The following ARMH3 variants were observed in gnomAD, a reference collection of about 807,000 sequenced individuals.
The protein encoded by ARMH3 is armadillo like helical domain containing 3, also known as armadillo-like helical domain-containing protein 3.
In ARMH3, 60 loss-of-function variants were observed where a neutral mutation model predicts 99.1. The ratio of observed to expected loss-of-function variants is 0.61; its 90% CI spans 0.49 to 0.75. The LOEUF is 0.75. ARMH3 is among the 30% of genes least tolerant of loss of function. The pLI is 0.00. For synonymous variants in ARMH3, 285 were observed against 292.8 expected (o/e 0.97, Z 0.27); for missense variants, 679 against 843.1 (o/e 0.81, Z 2.41).
chr10:101,874,173 T>TA (rs1487490554), intron 24 of ARMH3, among the ~76,000 whole-genome samples: 3 of 152,220 alleles, frequency 2.0e-5, no homozygotes, highest in Admixed American at 2.0e-4. Context: ...TGCAAAGTGG[T>TA]ATAAGAGAAC....
chr10:101,933,955 T>A (rs1387071757), intron 23 of ARMH3, among the ~76,000 whole-genome samples: 1 of 152,230 alleles, frequency 6.6e-6, no homozygotes, highest in East Asian at 1.9e-4. Flanking sequence ...GGTAACCATT[T>A]TGTTAAGTGA....
chr10:101,859,649 A>C (rs561009393), intron 24 of ARMH3, among the ~76,000 whole-genome samples: 6 of 152,366 alleles, frequency 3.9e-5, no homozygotes, highest in South Asian at 2.1e-4. Context: ...AATTCAGCTC[A>C]GCTGTGCAGT....
At chr10:101,912,147 C>A (rs998536183) in intron 23 of ARMH3, among the ~76,000 whole-genome samples, 3 of 152,148 alleles carry the variant, frequency 2.0e-5, no homozygotes, top group Non-Finnish European at 4.4e-5. Flanking sequence ...ATAATCCCAG[C>A]ACTTACGGAG....
At position 101,997,866 on chromosome 10, in the gene ARMH3, A is replaced by T. The variant is rs189771224; in HGVS notation, c.1151-2511T>A. Among the ~76,000 whole-genome samples the T allele has an allele frequency of 9.2e-3, 1,397 of 152,302 alleles. 18 individuals are homozygous for T. The highest frequency in any genetic ancestry group is 0.032 in the African/African-American group (1,328 of 41,552). On this transcript the variant is annotated intron_variant, in intron 15 of 25. Transcript: ENST00000370033. ...GATAATATCCTCATGGCGGTGGTGGAAACAGAGCCAAGAAAAAGTTGCTTC... is the reference window on the plus strand; with the variant it reads ...GATAATATCCTCATGGCGGTGGTGGTAACAGAGCCAAGAAAAAGTTGCTTC...
intron 17 of ARMH3, 113 bp from the exon 18 acceptor site, chr10:101,992,151 T>C: frequency 3.4e-6 from 3 of 893,304 alleles, no homozygotes; most frequent in Non-Finnish European, 5.5e-6. Context: ...GATACTTCCT[T>C]TTCTTTCTCT....
chr10:101,928,223 T>C (rs1843583356), intron 23 of ARMH3, among the ~76,000 whole-genome samples: 1 of 152,204 alleles, frequency 6.6e-6, no homozygotes, highest in South Asian at 2.1e-4. Flanking sequence ...AAGGTTCTTA[T>C]AAGGTTCCTC....
intron 24 of ARMH3, among the ~76,000 whole-genome samples, chr10:101,855,769 A>T (rs1451426746): frequency 1.4e-5 from 2 of 147,250 alleles, no homozygotes; most frequent in African/African-American, 4.9e-5. Flanking sequence ...ATTATATATA[A>T]ATATATTATA....
chr10:101,995,167 A>G, intron 16 of ARMH3, 130 bp downstream of exon 16: 1 of 771,068 alleles, frequency 1.3e-6, no homozygotes, highest in Non-Finnish European at 2.2e-6. Flanking sequence ...AGATAATACA[A>G]AGGGGGAAGA....
chr10:101,847,317 G>GGGAGGCA lies in ARMH3; in HGVS notation c.*210_*211insTGCCTCC. Reference sequence around the variant, plus strand: ...ATTCCTGGAGGCCTCTCCCCACTGTGCCCACCCATTCCTCCCCAAATAAGA... The same window carrying GGGAGGCA: ...ATTCCTGGAGGCCTCTCCCCACTGTGGGAGGCACCCACCCATTCCTCCCCAAATAAGA... On this transcript the variant is annotated 3_prime_UTR_variant, in exon 26 of 26. Coordinates refer to ENST00000370033, the MANE Select transcript of ARMH3 (RefSeq NM_024541.3). The GGGAGGCA allele has an allele frequency of 1.9e-6, 1 of 532,666 alleles. No individual in the cohort carries two copies. The highest frequency in any genetic ancestry group is 3.4e-6 in the Non-Finnish European group (1 of 295,146). 33.0% of individuals were successfully genotyped at this position (532,666 alleles called of 1,614,324 possible).
chr10:102,038,346 G>A (rs1435174771), intron 2 of ARMH3, among the ~76,000 whole-genome samples: 4 of 151,812 alleles, frequency 2.6e-5, no homozygotes, highest in Admixed American at 6.6e-5. Flanking sequence ...CGCCCACCTC[G>A]GCCTCCCAAA....
At position 101,923,649 on chromosome 10, in the gene ARMH3, T is replaced by C. The variant is rs368995135; in HGVS notation, c.1781+16214A>G. Among the ~76,000 whole-genome samples the C allele has an allele frequency of 9.2e-5, 14 of 152,342 alleles. No homozygotes were observed. The East Asian group carries it at 1.3e-3, about 15-fold the overall frequency. ...ACCTACTCTCACTCCAAAAATGTCT[T>C]TTTTTACTGCCCTTTACTTGTTATG... On this transcript the variant is annotated intron_variant, in intron 23 of 25. Transcript: ENST00000370033.
intron 24 of ARMH3, among the ~76,000 whole-genome samples, chr10:101,859,179 C>T (rs1486284867): frequency 6.6e-6 from 1 of 152,194 alleles, no homozygotes; most frequent in Non-Finnish European, 1.5e-5. Context: ...CTTAACTGAC[C>T]AGTGAATGGG....
chr10:102,049,378 C>A (rs2067637634), intron 1 of ARMH3, among the ~76,000 whole-genome samples: 1 of 152,008 alleles, frequency 6.6e-6, no homozygotes. Flanking sequence ...CCCGTCTCTA[C>A]TAAAAATACA....
At chr10:101,976,442 C>T (rs1374802802) in intron 19 of ARMH3, among the ~76,000 whole-genome samples, 2 of 148,664 alleles carry the variant, frequency 1.3e-5, no homozygotes, top group African/African-American at 4.9e-5. Context: ...TCACATACTG[C>T]TTGTGCTACC....
chr10:101,980,034 G>C (rs778403430), intron 19 of ARMH3, among the ~76,000 whole-genome samples: 6 of 152,072 alleles, frequency 3.9e-5, no homozygotes, highest in African/African-American at 7.3e-5. Flanking sequence ...TTAGTTAAGG[G>C]AGGGTTTGGT....
chr10:101,910,833 T>A (rs1842836984), intron 23 of ARMH3, among the ~76,000 whole-genome samples: 1 of 150,610 alleles, frequency 6.6e-6, no homozygotes, highest in South Asian at 2.1e-4. Flanking sequence ...TCAGGTTTTT[T>A]TTTTGGTTAA....
chr10:101,955,208 G>A (rs774953476), intron 22 of ARMH3, among the ~76,000 whole-genome samples: 68 of 152,220 alleles, frequency 4.5e-4, no homozygotes, highest in Non-Finnish European at 7.5e-4. Flanking sequence ...GATGGGTCTT[G>A]ATGGGACAAC....
At chr10:101,910,187 T>C (rs1842806772) in intron 23 of ARMH3, among the ~76,000 whole-genome samples, 1 of 152,164 alleles carries the variant, frequency 6.6e-6, no homozygotes, top group Non-Finnish European at 1.5e-5. Context: ...TCTCTAACCA[T>C]CTGCTGCTGA....
intron 24 of ARMH3, among the ~76,000 whole-genome samples, chr10:101,876,826 G>T (rs2067278502): frequency 6.6e-6 from 1 of 152,116 alleles, no homozygotes. Flanking sequence ...ATTCCTACCT[G>T]AACACTCTCA....
Sources: gnomAD v4.1 joint callset for allele counts (sites outside exome capture counted in the v4.1 genomes callset) on GRCh38, gnomAD v4.1.1 for gene constraint, MANE v1.5 for transcripts, NCBI Gene and HGNC (gene_info 2026-07-23, HGNC 2026-07-21) for gene names.